The following SNRNP40 variants were observed in gnomAD, a reference collection of about 807,000 sequenced individuals.
SNRNP40 encodes U5 small nuclear ribonucleoprotein 40 kDa protein.
In SNRNP40, 21 loss-of-function variants were observed where a neutral mutation model predicts 45.8. The observed-to-expected ratio is 0.46, with a 90% CI of 0.32 to 0.66. The LOEUF is 0.66. Ranked by LOEUF, SNRNP40 falls within the 30% of genes least tolerant of loss-of-function variation. The pLI, the probability that SNRNP40 is intolerant of heterozygous loss-of-function variation, is 0.03. For missense variants in SNRNP40, 344 were observed against 439.1 expected, an observed-to-expected ratio of 0.78 and a Z score of 1.94; for synonymous variants, 142 against 163.8, an observed-to-expected ratio of 0.87 and a Z score of 1.01.
At chr1:31,295,495 T>C (rs1357314476) in intron 1 of SNRNP40, among the ~76,000 whole-genome samples, 1 of 152,166 alleles carries the variant, frequency 6.6e-6, no homozygotes, top group East Asian at 1.9e-4. Context: ...TGTAAACATT[T>C]GTGAAGAGCA....
intron 4 of SNRNP40, among the ~76,000 whole-genome samples, chr1:31,287,628 A>G (rs1646068749): frequency 6.6e-6 from 1 of 152,220 alleles, no homozygotes; most frequent in African/African-American, 2.4e-5. Context: ...TTTAGAAACC[A>G]ATCTTAAACA....
chr1:31,274,584 T>C (rs1323803085), intron 5 of SNRNP40, among the ~76,000 whole-genome samples: 1 of 146,410 alleles, frequency 6.8e-6, no homozygotes, highest in Non-Finnish European at 1.5e-5. Context: ...CCTCCTAAAG[T>C]GCAGGGATTA....
intron 5 of SNRNP40, among the ~76,000 whole-genome samples, chr1:31,279,594 A>C (rs1165538941): frequency 6.6e-6 from 1 of 151,858 alleles, no homozygotes; most frequent in Non-Finnish European, 1.5e-5. Context: ...CCAAAAATAC[A>C]AAATTAGCCA....
intron 5 of SNRNP40, among the ~76,000 whole-genome samples, chr1:31,278,971 A>ACAGAACT (rs1309310621): frequency 1.3e-5 from 2 of 152,178 alleles, no homozygotes; most frequent in Non-Finnish European, 2.9e-5. Flanking sequence ...GTTTGTTGTC[A>ACAGAACT]CAGAACTCAG....
Sources: gnomAD v4.1 joint callset for allele counts (sites outside exome capture counted in the v4.1 genomes callset) on GRCh38, gnomAD v4.1.1 for gene constraint, MANE v1.5 for transcripts, NCBI Gene and HGNC (gene_info 2026-07-23, HGNC 2026-07-21) for gene names.